SMCHD1: variants seen among roughly 807,000 people sequenced by gnomAD.
The protein encoded by SMCHD1 is structural maintenance of chromosomes flexible hinge domain containing 1.
A neutral mutation model predicts 254.7 loss-of-function variants in SMCHD1; 78 were observed. The observed-to-expected ratio is 0.31, with a 90% confidence interval of 0.26 to 0.37. The LOEUF is 0.37. Among genes scored for constraint, SMCHD1 ranks in the 10% least tolerant of loss-of-function variants. The pLI, the probability that SMCHD1 is intolerant of heterozygous loss-of-function variation, is 1.00. For synonymous variants in SMCHD1, 766 were observed against 794.9 expected (o/e 0.96, Z 0.61); for missense variants, 1,840 against 2,408.1 (o/e 0.76, Z 4.94).
chr18:2,775,068 A>ATTTTTTT lies in SMCHD1; in HGVS notation c.5176-641_5176-635dup, dbSNP rs10601895. 1.3e-3 allele frequency among the ~76,000 whole-genome samples: 93 copies of ATTTTTTT among 73,044 alleles called. 5 individuals carry two copies. Among genetic ancestry groups the ATTTTTTT allele is most frequent in the African/African-American group, 3.7e-3 (83 of 22,400 alleles). 47.9% of individuals were successfully genotyped at this position (73,044 alleles called of 152,430 possible). ...CCTAGAAACAGAAGCAAAAGGAACA[A>ATTTTTTT]TTTTTTTTTTTTTTTTTTTTTTTTT... On this transcript the variant is annotated intron_variant, in intron 41 of 47. Transcript: ENST00000320876.
At chr18:2,784,413 A>G in intron 44 of SMCHD1, 37 bp from the exon 45 acceptor site, 7 of 1,508,216 alleles carry the variant, frequency 4.6e-6, no homozygotes, top group Non-Finnish European at 6.3e-6. Context: ...AGTTGAAATA[A>G]GTTGCTCACT....
At chr18:2,728,276 A>G in intron 22 of SMCHD1, 181 bp from the exon 23 acceptor site, 3 of 575,184 alleles carry the variant, frequency 5.2e-6, no homozygotes, top group South Asian at 2.2e-5. Flanking sequence ...AAGTCTTGTC[A>G]TGTATTGAAT....
intron 17 of SMCHD1, among the ~76,000 whole-genome samples, chr18:2,709,228 A>ACATG (rs1555635605): frequency 6.5e-4 from 71 of 108,928 alleles, no homozygotes; most frequent in Non-Finnish European, 1.0e-3. Flanking sequence ...ATATGTGTAT[A>ACATG]TGTGTATATA....
At chr18:2,726,744 T>C (rs1291706039) in intron 22 of SMCHD1, 2 of 240,772 alleles carry the variant, frequency 8.3e-6, no homozygotes, top group Non-Finnish European at 1.6e-5. Flanking sequence ...GGAGAAAAAT[T>C]TGGATATTGA....
At chr18:2,747,840 CAACA>C (rs1202046646) in intron 30 of SMCHD1, among the ~76,000 whole-genome samples, 193 bp downstream of exon 30, 5 of 152,102 alleles carry the variant, frequency 3.3e-5, no homozygotes, top group African/African-American at 1.2e-4. Flanking sequence ...TACAGTAGTA[CAACA>C]AGGGGCCAAC....
intron 44 of SMCHD1, among the ~76,000 whole-genome samples, chr18:2,782,818 G>A (rs2076179365): frequency 6.7e-6 from 1 of 150,090 alleles, no homozygotes; most frequent in Non-Finnish European, 1.5e-5. Context: ...CTTGATAAGT[G>A]GATAGCACAT....
At chr18:2,788,147 AC>A (rs112156324) in intron 45 of SMCHD1, among the ~76,000 whole-genome samples, 3,173 of 152,310 alleles carry the variant, frequency 0.021, 41 homozygotes, top group African/African-American at 0.035. Flanking sequence ...GAAGGCCATC[AC>A]CATAAAAATT....
rs1257585311 is a variant in SMCHD1 at position 2,732,393 on chromosome 18, T to C, written c.3177T>C (p.Asn1059=). ...AIQIKHQDEV[N]WIAGDIMHNL... ...AGATCAAACATCAGGATGAGGTTAA[T>C]TGGATAGCGGGTGATATTATGCATA... Residue 1059 remains asparagine (N), a synonymous_variant, in exon 25 of 48, where the codon AAT becomes AAC. Coordinates refer to ENST00000320876, the MANE Select transcript of SMCHD1 (RefSeq NM_015295.3). The C allele has an allele frequency of 1.2e-6, 2 of 1,613,642 alleles. No individual in the cohort carries two copies. The highest frequency in any genetic ancestry group is 1.7e-6 in the Non-Finnish European group (2 of 1,179,702).
At chr18:2,774,318 A>T (rs1162884828) in intron 41 of SMCHD1, among the ~76,000 whole-genome samples, 1 of 152,102 alleles carries the variant, frequency 6.6e-6, no homozygotes, top group East Asian at 1.9e-4. Flanking sequence ...ATTTTCGTTT[A>T]CATGTACTAG....
chr18:2,704,994 A>G (rs923686210), intron 13 of SMCHD1, among the ~76,000 whole-genome samples: 1 of 152,164 alleles, frequency 6.6e-6, no homozygotes, highest in Admixed American at 6.5e-5. Context: ...AAGAGTTACA[A>G]GAAGAAAGGA....
At chr18:2,785,890 A>C (rs2076232655) in intron 45 of SMCHD1, among the ~76,000 whole-genome samples, 1 of 152,198 alleles carries the variant, frequency 6.6e-6, no homozygotes, top group Non-Finnish European at 1.5e-5. Context: ...CACTTGGCAT[A>C]ATGTCCTCAG....
At chr18:2,657,882 A>G (rs2073118414) in intron 1 of SMCHD1, among the ~76,000 whole-genome samples, 1 of 151,884 alleles carries the variant, frequency 6.6e-6, no homozygotes, top group South Asian at 2.1e-4. Flanking sequence ...TCCCGGGCTC[A>G]GGTGATCCTC....
chr18:2,718,335 A>G lies in SMCHD1; in HGVS notation c.2359A>G (p.Asn787Asp). ...TCCAGAAAATATTCAGAAGTTGGGG[A>G]ATTATACCTTGAAATTACAAGTTGT... ...KKMENIQKLGNYTLKLQVVLN... is the reference protein window; with the variant it reads ...KKMENIQKLGDYTLKLQVVLN... Residue 787 changes from asparagine (N) to aspartate (D), a missense_variant, in exon 19 of 48, where the codon AAT becomes GAT. By Grantham distance (23) the Asn-to-Asp change is conservative. Coordinates refer to ENST00000320876, the MANE Select transcript of SMCHD1 (RefSeq NM_015295.3). The surrounding 1 kb of genome is among the most constrained non-coding windows in gnomAD (Gnocchi z 4.6). 7 of 1,611,296 alleles carry G rather than the reference A, an allele frequency of 4.3e-6. No individual in the cohort carries two copies. Among genetic ancestry groups the G allele is most frequent in the Non-Finnish European group, 5.9e-6 (7 of 1,177,958 alleles).
rs191410697 is a variant in SMCHD1 at position 2,743,905 on chromosome 18, A to G, written c.3778A>G (p.Ile1260Val). 2.5e-6 allele frequency: 4 copies of G among 1,612,640 alleles called. No homozygotes were observed. Among genetic ancestry groups the G allele is most frequent in the South Asian group, 1.1e-5 (1 of 90,912 alleles). Residue 1260 changes from isoleucine (I) to valine (V), a missense_variant, in exon 29 of 48, where the codon ATA becomes GTA. This residue lies in a region of SMCHD1 where 881 missense variants were observed against 1,009.5 expected (regional missense o/e 0.87). Coordinates refer to ENST00000320876, the MANE Select transcript of SMCHD1 (RefSeq NM_015295.3). ...TGGACCTCCTGCTAAACTTCTCCTTATAGACTGGCCAGAACTAAAGGAGGT... is the reference window on the plus strand; with the variant it reads ...TGGACCTCCTGCTAAACTTCTCCTTGTAGACTGGCCAGAACTAAAGGAGGT... ...ISGPPAKLLL[I>V]DWPELKESIP...
At chr18:2,767,106 A>AAT (rs994596073) in intron 37 of SMCHD1, among the ~76,000 whole-genome samples, 2 of 152,096 alleles carry the variant, frequency 1.3e-5, no homozygotes, top group Non-Finnish European at 2.9e-5. Flanking sequence ...AAAATTTAAA[A>AAT]ATTAGCCAAG....
Position 2,707,637 on chromosome 18 carries a change from C to A in SMCHD1, c.2138C>A (p.Thr713Asn). 1 of 1,594,882 alleles carries A rather than the reference C, an allele frequency of 6.3e-7. No homozygotes were observed. Among genetic ancestry groups the A allele is most frequent in the Admixed American group, 1.7e-5 (1 of 57,514 alleles). The change falls in exon 16 of 48, where the codon ACC becomes AAC. Residue 713 changes from threonine (T) to asparagine (N), a missense_variant. Physicochemically the swap from Thr to Asn is moderately conservative, Grantham distance 65. Around this residue, in one of 9 missense-constraint regions of SMCHD1, gnomAD observed 498 missense variants for 743.5 expected, o/e 0.67. Transcript: ENST00000320876. ...LLPNEVRPAG[T>N]PIGALRIEIL... ...CCTAATGAGGTTAGGCCTGCTGGAA[C>A]CCCTATTGGTATGTTTGTTTATTTT... is the stretch of plus-strand genomic sequence containing the variant.
intron 28 of SMCHD1, among the ~76,000 whole-genome samples, chr18:2,741,946 T>C (rs1027916206): frequency 6.6e-6 from 1 of 152,214 alleles, no homozygotes; most frequent in African/African-American, 2.4e-5. Flanking sequence ...TTCCTGTCCA[T>C]CTACTGCCCT....
At chr18:2,677,032 C>T (rs934780177) in intron 5 of SMCHD1, among the ~76,000 whole-genome samples, 1 of 152,086 alleles carries the variant, frequency 6.6e-6, no homozygotes, top group African/African-American at 2.4e-5. Flanking sequence ...TTGTGTTTTT[C>T]ATAATATTTC....
At chr18:2,783,861 A>G (rs917843536) in intron 44 of SMCHD1, among the ~76,000 whole-genome samples, 1 of 152,060 alleles carries the variant, frequency 6.6e-6, no homozygotes, top group Non-Finnish European at 1.5e-5. Context: ...GTGAGCCACC[A>G]CACCTGACAT....
Sources: gnomAD v4.1 joint callset for allele counts (sites outside exome capture counted in the v4.1 genomes callset) on GRCh38, gnomAD v4.1.1 for gene constraint, gnomAD v4.1.1 regional missense constraint, Gnocchi (gnomAD v3.1) non-coding constraint, MANE v1.5 for transcripts, NCBI Gene and HGNC (gene_info 2026-07-23, HGNC 2026-07-21) for gene names.